Variants in SHROOM4 observed in about 807,000 individuals in gnomAD.
SHROOM4 encodes shroom family member 4.
In SHROOM4, 17 loss-of-function variants were observed where a neutral mutation model predicts 80.3. That is an observed-to-expected ratio of 0.21 (90% CI 0.14 to 0.32). SHROOM4 has a LOEUF of 0.32. Among genes scored for constraint, SHROOM4 ranks in the 10% least tolerant of loss-of-function variants. The pLI, the probability that SHROOM4 is intolerant of heterozygous loss-of-function variation, is 1.00. For missense variants in SHROOM4, 993 were observed against 1,140.3 expected, an observed-to-expected ratio of 0.87 and a Z score of 1.86; for synonymous variants, 400 against 437.5, an observed-to-expected ratio of 0.91 and a Z score of 1.07.
intron 5 of SHROOM4, among the ~76,000 whole-genome samples, chrX:50,621,308 C>A (rs1456648783): frequency 9.0e-6 from 1 of 111,417 alleles, no homozygotes; most frequent in Non-Finnish European, 1.9e-5. Context: ...CTTTTTTTAA[C>A]CCACTATCAT....
intron 1 of SHROOM4, among the ~76,000 whole-genome samples, chrX:50,731,069 T>A (rs1365737314): frequency 1.8e-5 from 2 of 111,147 alleles, no homozygotes; most frequent in East Asian, 5.6e-4. Flanking sequence ...TTATAAAATA[T>A]ATTATTGGGA....
chrX:50,736,055 G>A (rs910600356), intron 1 of SHROOM4, among the ~76,000 whole-genome samples: 3 of 108,527 alleles, frequency 2.8e-5, no homozygotes, highest in African/African-American at 1.0e-4. Flanking sequence ...ATTAGCCATC[G>A]GGGGAAAATG....
chrX:50,654,048 G>T (rs1203794770), intron 2 of SHROOM4, among the ~76,000 whole-genome samples: 14 of 111,715 alleles, frequency 1.3e-4, no homozygotes, highest in Non-Finnish European at 2.3e-4. Flanking sequence ...TGGCTCTTGT[G>T]GGGTGCTGCT....
intron 1 of SHROOM4, among the ~76,000 whole-genome samples, chrX:50,769,733 C>T (rs1488912769): frequency 1.8e-5 from 2 of 111,388 alleles, no homozygotes; most frequent in African/African-American, 6.5e-5. Context: ...ACCCTTCTGC[C>T]TTAATAATCC....
At chrX:50,753,387 A>G (rs17003194) in intron 1 of SHROOM4, among the ~76,000 whole-genome samples, 6,921 of 112,006 alleles carry the variant, frequency 0.062, 553 homozygotes, top group African/African-American at 0.21. Flanking sequence ...TAATTTAAAG[A>G]ACAGCTTTCT....
chrX:50,747,100 T>C (rs1934787837), intron 1 of SHROOM4, among the ~76,000 whole-genome samples: 1 of 111,982 alleles, frequency 8.9e-6, no homozygotes. Context: ...ATCATATTCA[T>C]AGTGACTAGC....
chrX:50,745,909 G>A (rs1557267578), intron 1 of SHROOM4, among the ~76,000 whole-genome samples: 1 of 111,300 alleles, frequency 9.0e-6, no homozygotes, highest in African/African-American at 3.3e-5. Flanking sequence ...CAGATACTTT[G>A]AATGGTTGTT....
rs1034976451 is a variant in SHROOM4, at chrX:50,637,122, G to A, written c.404+1052C>T. Among the ~76,000 whole-genome samples, 3 of 111,702 alleles carry A rather than the reference G, an allele frequency of 2.7e-5. No individual in the cohort carries two copies. In the East Asian group the frequency reaches 8.5e-4, roughly 32 times the overall value. On this transcript the variant is annotated intron_variant, in intron 3 of 8. Coordinates refer to ENST00000376020, the MANE Select transcript of SHROOM4 (RefSeq NM_020717.5). ...ACCAAGGGAAGGGCTAGGATCAGAT[G>A]CAATCTTCAATTTTAAGTACCATTT...
chrX:50,657,925 GGGAGGGGATTA>G (rs1251180512), intron 2 of SHROOM4, among the ~76,000 whole-genome samples: 12 of 112,343 alleles, frequency 1.1e-4, no homozygotes, highest in Non-Finnish European at 3.8e-5. Flanking sequence ...AAGGCCCCTT[GGGAGGGGATTA>G]GGCATTGAGG....
the SHROOM4 span, among the ~76,000 whole-genome samples, chrX:50,581,348 G>A: frequency 8.9e-6 from 1 of 111,829 alleles, no homozygotes; most frequent in Non-Finnish European, 1.9e-5. Flanking sequence ...AGGATTTTTG[G>A]ATTTGGGCTT....
At chrX:50,762,001 G>C (rs1306320846) in intron 1 of SHROOM4, among the ~76,000 whole-genome samples, 3 of 111,400 alleles carry the variant, frequency 2.7e-5, no homozygotes, top group Non-Finnish European at 5.7e-5. Flanking sequence ...TTCTACTTCA[G>C]TTTTATACTA....
intron 7 of SHROOM4, among the ~76,000 whole-genome samples, chrX:50,600,397 G>T (rs1441415599): frequency 9.0e-6 from 1 of 111,189 alleles, no homozygotes; most frequent in Non-Finnish European, 1.9e-5. Flanking sequence ...TGCTCTGCTG[G>T]AAAGTAGTGG....
intron 1 of SHROOM4, among the ~76,000 whole-genome samples, chrX:50,766,334 C>T (rs962964967): frequency 1.8e-5 from 2 of 110,627 alleles, no homozygotes; most frequent in Non-Finnish European, 3.8e-5. Flanking sequence ...AGAAAGAGGG[C>T]GAACAAGAGA....
chrX:50,736,508 G>A (rs1218640635), intron 1 of SHROOM4, among the ~76,000 whole-genome samples: 2 of 111,703 alleles, frequency 1.8e-5, no homozygotes, highest in African/African-American at 6.5e-5. Flanking sequence ...AACATGCAGT[G>A]TTTGGATTTC....
chrX:50,779,576 T>G lies in SHROOM4; in HGVS notation c.117+34326A>C, dbSNP rs782569231. On this transcript the variant is annotated intron_variant, in intron 1 of 8. Transcript: ENST00000376020. ...GGATTTCAGGCCAATAAATGGTTAA[T>G]GGAAACCTGTCTACATCCCCAGCTA... Among the ~76,000 whole-genome samples, 13 of 111,983 alleles carry G rather than the reference T, an allele frequency of 1.2e-4. No individual in the cohort carries two copies. The East Asian group carries it at 3.4e-3, about 29-fold the overall frequency.
At chrX:50,715,804 C>T (rs1933935486) in intron 1 of SHROOM4, among the ~76,000 whole-genome samples, 1 of 107,876 alleles carries the variant, frequency 9.3e-6, no homozygotes, top group African/African-American at 3.4e-5. Context: ...ATCAAGGTTC[C>T]TCAAAAAATT....
At chrX:50,672,620 G>A (rs1557260927) in intron 2 of SHROOM4, among the ~76,000 whole-genome samples, 1 of 110,788 alleles carries the variant, frequency 9.0e-6, no homozygotes, top group African/African-American at 3.3e-5. Context: ...AAATATACTT[G>A]AACAAATAAT....
rs1399905322 is a variant in SHROOM4 at position 50,736,110 on chromosome X, A to G, written c.118-40173T>C. On this transcript the variant is annotated intron_variant, in intron 1 of 8. Transcript: ENST00000376020. ...GATACCACTTCATGGCTAGAATCAA[A>G]GAATCAGGTAACAACAAGCATTAGT... Among the ~76,000 whole-genome samples, 6 of 110,842 alleles carry G rather than the reference A, an allele frequency of 5.4e-5. No individual in the cohort carries two copies. The Admixed American group carries it at 5.8e-4, about 11-fold the overall frequency.
At chrX:50,656,676 G>T (rs1311049784) in intron 2 of SHROOM4, among the ~76,000 whole-genome samples, 1 of 110,217 alleles carries the variant, frequency 9.1e-6, no homozygotes, top group African/African-American at 3.3e-5. Context: ...TTTGGGATCA[G>T]GTAGTATGAT....
Sources: gnomAD v4.1 joint callset for allele counts (sites outside exome capture counted in the v4.1 genomes callset) on GRCh38, gnomAD v4.1.1 for gene constraint, MANE v1.5 for transcripts, NCBI Gene and HGNC (gene_info 2026-07-23, HGNC 2026-07-21) for gene names.